Variants in ROCK2 observed in about 807,000 individuals in gnomAD.
The protein encoded by ROCK2 is rho-associated protein kinase 2.
ROCK2 carries 61 observed loss-of-function variants against 195.1 expected under a neutral mutation model. The ratio of observed to expected loss-of-function variants is 0.31; its 90% CI spans 0.25 to 0.39. The LOEUF (loss-of-function observed/expected upper bound fraction) is 0.39, where lower values mean the gene tolerates loss of function less well. ROCK2 is among the 10% of genes least tolerant of loss of function. The probability of loss-of-function intolerance (pLI) is 1.00; values close to 1 mark genes in which losing one functional copy is unlikely to be tolerated. For synonymous variants in ROCK2, 504 were observed against 545.5 expected, an observed-to-expected ratio of 0.92 and a Z score of 1.06; for missense variants, 1,109 against 1,637.4, an observed-to-expected ratio of 0.68 and a Z score of 5.57.
intron 8 of ROCK2, 40 bp downstream of exon 8, chr2:11,222,043 G>C (rs375711814): frequency 4.7e-5 from 57 of 1,206,736 alleles, no homozygotes; most frequent in Non-Finnish European, 5.9e-5. Flanking sequence ...ATGAGTTTCA[G>C]AATGTGATGG....
intron 1 of ROCK2, among the ~76,000 whole-genome samples, chr2:11,310,901 A>G (rs1257147879): frequency 6.6e-6 from 1 of 151,948 alleles, no homozygotes; most frequent in Non-Finnish European, 1.5e-5. Context: ...AAAGCAAGGA[A>G]GATTTCACCT....
intron 3 of ROCK2, among the ~76,000 whole-genome samples, chr2:11,253,063 G>C (rs2148132553): frequency 6.6e-6 from 1 of 151,852 alleles, no homozygotes; most frequent in Non-Finnish European, 1.5e-5. Flanking sequence ...TTACCAAACA[G>C]GGCTAGATTA....
At chr2:11,277,536 C>A (rs543538084) in intron 3 of ROCK2, among the ~76,000 whole-genome samples, 2 of 152,284 alleles carry the variant, frequency 1.3e-5, no homozygotes, top group East Asian at 1.9e-4. Flanking sequence ...TATGCCTTTG[C>A]GTACTCATAG....
intron 4 of ROCK2, among the ~76,000 whole-genome samples, chr2:11,246,388 AT>A (rs1042763988): frequency 4.0e-5 from 6 of 151,430 alleles, no homozygotes; most frequent in East Asian, 1.9e-4. Context: ...CTGAACTTAA[AT>A]TTTTTTTTAA....
chr2:11,311,036 C>G (rs193104684), intron 1 of ROCK2, among the ~76,000 whole-genome samples: 2 of 151,418 alleles, frequency 1.3e-5, no homozygotes, highest in African/African-American at 4.9e-5. Flanking sequence ...CTCTAACTTA[C>G]TTCTCCAACT....
chr2:11,289,425 T>A (rs1179242574), intron 1 of ROCK2, among the ~76,000 whole-genome samples: 1 of 152,226 alleles, frequency 6.6e-6, no homozygotes, highest in Non-Finnish European at 1.5e-5. Context: ...TCATTTATAT[T>A]TTAGATGTAT....
chr2:11,184,188 G>A (rs1165192169), intron 32 of ROCK2, among the ~76,000 whole-genome samples: 1 of 152,094 alleles, frequency 6.6e-6, no homozygotes, highest in Non-Finnish European at 1.5e-5. Flanking sequence ...ACACAAAAAT[G>A]CCAAATCAGA....
intron 27 of ROCK2, 124 bp from the exon 28 acceptor site, chr2:11,195,149 A>G (rs1162668838): frequency 1.9e-6 from 1 of 528,762 alleles, no homozygotes; most frequent in Non-Finnish European, 3.3e-6. Context: ...ATTTATCACT[A>G]TACATCATCT....
At chr2:11,274,539 C>G (rs1558349421) in intron 3 of ROCK2, among the ~76,000 whole-genome samples, 2 of 152,156 alleles carry the variant, frequency 1.3e-5, no homozygotes, top group South Asian at 2.1e-4. Context: ...CCTAGAAACA[C>G]AAAATCTACC....
At chr2:11,336,682 C>G (rs1436910940) in intron 1 of ROCK2, among the ~76,000 whole-genome samples, 1 of 152,098 alleles carries the variant, frequency 6.6e-6, no homozygotes, top group South Asian at 2.1e-4. Context: ...AACAAAGGTG[C>G]CAAAGCAATC....
At chr2:11,305,184 T>C (rs1401007966) in intron 1 of ROCK2, among the ~76,000 whole-genome samples, 1 of 152,198 alleles carries the variant, frequency 6.6e-6, no homozygotes, top group Non-Finnish European at 1.5e-5. Context: ...GAGACCAGCC[T>C]GGCCAGCATG....
chr2:11,190,259 G>A (rs887778562), intron 32 of ROCK2, among the ~76,000 whole-genome samples: 2 of 151,670 alleles, frequency 1.3e-5, no homozygotes, highest in East Asian at 3.9e-4. Context: ...TTATTTACAT[G>A]CAGATATGAG....
At chr2:11,256,019 TA>T (rs1438878039) in intron 3 of ROCK2, among the ~76,000 whole-genome samples, 1 of 131,776 alleles carries the variant, frequency 7.6e-6, no homozygotes, top group African/African-American at 3.0e-5. Context: ...ACAAAATGAA[TA>T]AATGAAACTG....
Position 11,338,342 on chromosome 2 carries a change from G to T in ROCK2, c.141+5654C>A, listed in dbSNP as rs114549420. 2.3e-3 allele frequency among the ~76,000 whole-genome samples: 355 copies of T among 152,066 alleles called. 2 individuals carry two copies. Among genetic ancestry groups the T allele is most frequent in the African/African-American group, 7.9e-3 (328 of 41,482 alleles). ...AGCCTGAGCAAGAGAGCAAGATCTT[G>T]TCTCCATATTTTAAAAAAATCAAGC... is the stretch of plus-strand genomic sequence containing the variant. On this transcript the variant is annotated intron_variant, in intron 1 of 32. Coordinates refer to ENST00000315872, the MANE Select transcript of ROCK2 (RefSeq NM_004850.5).
chr2:11,290,207 G>C (rs1451344611), intron 1 of ROCK2, among the ~76,000 whole-genome samples: 1 of 152,200 alleles, frequency 6.6e-6, no homozygotes, highest in Non-Finnish European at 1.5e-5. Flanking sequence ...CTCAGGACTT[G>C]ATTGAAAGCC....
intron 1 of ROCK2, among the ~76,000 whole-genome samples, chr2:11,291,591 C>T (rs1322423127): frequency 6.6e-6 from 1 of 151,878 alleles, no homozygotes; most frequent in Non-Finnish European, 1.5e-5. Flanking sequence ...AAATAAAATG[C>T]TTCAAAAAAA....
intron 4 of ROCK2, among the ~76,000 whole-genome samples, chr2:11,246,026 A>C (rs567083950): frequency 6.6e-6 from 1 of 152,304 alleles, no homozygotes; most frequent in African/African-American, 2.4e-5. Flanking sequence ...ACTATAACCA[A>C]GGAGGAATGA....
At chr2:11,190,651 A>G (rs1663389969) in intron 32 of ROCK2, among the ~76,000 whole-genome samples, 1 of 152,186 alleles carries the variant, frequency 6.6e-6, no homozygotes, top group East Asian at 1.9e-4. Flanking sequence ...CTTAATCAAA[A>G]ACAAATATAA....
Position 11,207,742 on chromosome 2 carries a change from T to G in ROCK2, c.2533A>C (p.Asn845His). 1 of 1,604,006 alleles carries G rather than the reference T, an allele frequency of 6.2e-7. No individual in the cohort carries two copies. Among genetic ancestry groups the G allele is most frequent in the South Asian group, 1.1e-5 (1 of 89,420 alleles). ...TTAACTTACTTTCGAAGTTCAGCAT[T>G]TTGTTTTTCCAAGTTCATTTTCATT... ...MEMKMNLEKQ[N>H]AELRKERQDA... is the part of the protein sequence containing the mutation. Residue 845 changes from asparagine to histidine, a missense_variant, in exon 20 of 33, where the codon AAT becomes CAT. Coordinates refer to ENST00000315872, the MANE Select transcript of ROCK2 (RefSeq NM_004850.5).
Sources: gnomAD v4.1 joint callset for allele counts (sites outside exome capture counted in the v4.1 genomes callset) on GRCh38, gnomAD v4.1.1 for gene constraint, MANE v1.5 for transcripts, NCBI Gene and HGNC (gene_info 2026-07-23, HGNC 2026-07-21) for gene names.